Variants in NAALADL2 observed in about 807,000 individuals in gnomAD.
NAALADL2 encodes N-acetylated alpha-linked acidic dipeptidase like 2, also known as inactive N-acetylated-alpha-linked acidic dipeptidase-like protein 2.
A neutral mutation model predicts 87.2 loss-of-function variants in NAALADL2; 76 were observed. The observed-to-expected ratio is 0.87, with a 90% CI of 0.72 to 1.05. The LOEUF (loss-of-function observed/expected upper bound fraction) is 1.05, where lower values mean the gene tolerates loss of function less well. Among genes scored for constraint, NAALADL2 ranks in the 50% least tolerant of loss-of-function variants. The pLI is 0.00. For synonymous variants in NAALADL2, 354 were observed against 331.0 expected (o/e 1.07, Z -0.75); for missense variants, 1,089 against 945.8 (o/e 1.15, Z -1.99).
At chr3:175,665,673 C>G (rs377499974) in intron 11 of NAALADL2, among the ~76,000 whole-genome samples, 3 of 152,184 alleles carry the variant, frequency 2.0e-5, no homozygotes, top group Non-Finnish European at 2.9e-5. Context: ...TGGCTCACGC[C>G]TGTAATCCCA....
At chr3:174,987,812 T>TAATTATA (rs1553911297) in intron 1 of NAALADL2, among the ~76,000 whole-genome samples, 7 of 120,070 alleles carry the variant, frequency 5.8e-5, no homozygotes, top group African/African-American at 3.2e-4. Context: ...ATATATATAA[T>TAATTATA]TATATATATA....
At chr3:174,663,461 G>A (rs563373048) in intron 2 of NAALADL2, among the ~76,000 whole-genome samples, 1 of 152,062 alleles carries the variant, frequency 6.6e-6, no homozygotes, top group East Asian at 1.9e-4. Context: ...TTATGGAGAC[G>A]GACTCAGACA....
chr3:174,823,961 T>A (rs550721996), intron 3 of NAALADL2, among the ~76,000 whole-genome samples: 234 of 152,310 alleles, frequency 1.5e-3, no homozygotes, highest in African/African-American at 5.4e-3. Context: ...TATTTTATTT[T>A]AAAATCTTTC....
chr3:175,745,705 T>C (rs1469361690), intron 12 of NAALADL2, among the ~76,000 whole-genome samples: 1 of 152,136 alleles, frequency 6.6e-6, no homozygotes, highest in Non-Finnish European at 1.5e-5. Flanking sequence ...AATGCAATGG[T>C]ACTAGTTTGC....
At chr3:174,703,847 G>C (rs1729808335) in intron 2 of NAALADL2, among the ~76,000 whole-genome samples, 1 of 152,114 alleles carries the variant, frequency 6.6e-6, no homozygotes, top group South Asian at 2.1e-4. Context: ...GCTTCACCCT[G>C]TGATAGATAA....
At chr3:174,621,679 C>T (rs1207827549) in intron 2 of NAALADL2, among the ~76,000 whole-genome samples, 1 of 152,050 alleles carries the variant, frequency 6.6e-6, no homozygotes, top group African/African-American at 2.4e-5. Flanking sequence ...TGTTATTTTA[C>T]CCCCATTGAC....
chr3:175,153,014 G>A (rs1330652221), intron 2 of NAALADL2, among the ~76,000 whole-genome samples: 1 of 152,066 alleles, frequency 6.6e-6, no homozygotes, highest in East Asian at 1.9e-4. Context: ...ACATTCATAA[G>A]TAGTAAATAA....
At chr3:175,117,039 T>C (rs1374310744) in intron 2 of NAALADL2, among the ~76,000 whole-genome samples, 1 of 152,088 alleles carries the variant, frequency 6.6e-6, no homozygotes, top group Non-Finnish European at 1.5e-5. Flanking sequence ...TAAATGGTGC[T>C]GGGAAAATTG....
intron 2 of NAALADL2, among the ~76,000 whole-genome samples, chr3:174,730,412 G>A (rs1732587166): frequency 6.6e-6 from 1 of 152,008 alleles, no homozygotes; most frequent in South Asian, 2.1e-4. Context: ...GTAACATCCA[G>A]GCCCGTATTT....
At chr3:174,862,840 A>G (rs1726666915) in intron 1 of NAALADL2, among the ~76,000 whole-genome samples, 1 of 152,032 alleles carries the variant, frequency 6.6e-6, no homozygotes, top group Non-Finnish European at 1.5e-5. Context: ...CGTTTCTAAT[A>G]ATAGCTCTCC....
At chr3:175,502,274 T>A (rs1436473400) in intron 9 of NAALADL2, among the ~76,000 whole-genome samples, 1 of 151,878 alleles carries the variant, frequency 6.6e-6, no homozygotes, top group Non-Finnish European at 1.5e-5. Context: ...TGTGCATGTG[T>A]GTTTGGATGA....
rs545766843 is a variant in NAALADL2 at position 175,446,334 on chromosome 3, C to T, written c.1091-895C>T. ...TTGACTCACTGCAACCTCTGCCTCCCGAGTTCAAGCTATTCTCCTGCCTCG... is the reference window on the plus strand; with the variant it reads ...TTGACTCACTGCAACCTCTGCCTCCTGAGTTCAAGCTATTCTCCTGCCTCG... On this transcript the variant is annotated intron_variant, in intron 5 of 13. Transcript: ENST00000454872. 1.7e-4 allele frequency among the ~76,000 whole-genome samples: 26 copies of T among 152,092 alleles called. No individual in the cohort carries two copies. The East Asian group carries it at 1.7e-3, about 10-fold the overall frequency.
chr3:175,101,993 C>T (rs1416236271), intron 2 of NAALADL2, among the ~76,000 whole-genome samples: 1 of 152,144 alleles, frequency 6.6e-6, no homozygotes, highest in Non-Finnish European at 1.5e-5. Context: ...TTCTATCATT[C>T]CCTATCAATC....
chr3:174,455,147 C>T (rs781164621), intron 1 of NAALADL2, among the ~76,000 whole-genome samples: 25 of 152,080 alleles, frequency 1.6e-4, no homozygotes, highest in Non-Finnish European at 2.8e-4. Flanking sequence ...GGATAAATTC[C>T]TGGATATACA....
At chr3:174,463,908 T>G (rs987191010) in intron 1 of NAALADL2, among the ~76,000 whole-genome samples, 1 of 152,136 alleles carries the variant, frequency 6.6e-6, no homozygotes, top group Non-Finnish European at 1.5e-5. Flanking sequence ...AAGATTATCT[T>G]TTTTCTATTT....
intron 5 of NAALADL2, among the ~76,000 whole-genome samples, chr3:175,380,672 A>T (rs1397081881): frequency 6.6e-6 from 1 of 152,184 alleles, no homozygotes; most frequent in Non-Finnish European, 1.5e-5. Context: ...GAAATGCAGA[A>T]ATCATATATT....
At chr3:174,738,640 G>T (rs868669997) in intron 3 of NAALADL2, among the ~76,000 whole-genome samples, 10 of 152,206 alleles carry the variant, frequency 6.6e-5, no homozygotes, top group East Asian at 1.9e-4. Flanking sequence ...GGGTAGAGAG[G>T]GGGGAGGGTT....
chr3:175,487,219 G>A (rs1337279301), intron 9 of NAALADL2, among the ~76,000 whole-genome samples: 4 of 152,078 alleles, frequency 2.6e-5, no homozygotes, highest in Admixed American at 2.6e-4. Context: ...TCTACCTTCT[G>A]TAATTTGCAA....
rs79294913 is a variant in NAALADL2, at chr3:175,372,789, C to A, written c.1090+48464C>A. Among the ~76,000 whole-genome samples, 180 of 152,288 alleles carry A rather than the reference C, an allele frequency of 1.2e-3. No homozygotes were observed. The East Asian group carries it at 0.028, about 24-fold the overall frequency. ...AGCAGTTTCTGCCACACTAACCTTGCAGTATTTTAGGATGGCTGTAAGATC... is the reference window on the plus strand; with the variant it reads ...AGCAGTTTCTGCCACACTAACCTTGAAGTATTTTAGGATGGCTGTAAGATC... On this transcript the variant is annotated intron_variant, in intron 5 of 13. Coordinates refer to ENST00000454872, the MANE Select transcript of NAALADL2 (RefSeq NM_207015.3).
Sources: gnomAD v4.1 joint callset for allele counts (sites outside exome capture counted in the v4.1 genomes callset) on GRCh38, gnomAD v4.1.1 for gene constraint, MANE v1.5 for transcripts, NCBI Gene and HGNC (gene_info 2026-07-23, HGNC 2026-07-21) for gene names.